GRID1: variants seen among roughly 807,000 people sequenced by gnomAD.
GRID1 encodes the protein glutamate receptor ionotropic, delta-1.
Under a neutral mutation model 98.0 loss-of-function variants are expected in GRID1, and 28 were observed. That is an observed-to-expected ratio of 0.29 (90% confidence interval 0.21 to 0.39). The LOEUF (loss-of-function observed/expected upper bound fraction) is 0.39. Among genes scored for constraint, GRID1 ranks in the 10% least tolerant of loss-of-function variants. The pLI is 1.00. For missense variants in GRID1, 1,111 were observed against 1,340.5 expected, an observed-to-expected ratio of 0.83 and a Z score of 2.67; for synonymous variants, 553 against 538.5, an observed-to-expected ratio of 1.03 and a Z score of -0.37.
chr10:85,705,330 C>T (rs1210825133), intron 12 of GRID1, among the ~76,000 whole-genome samples: 1 of 152,076 alleles, frequency 6.6e-6, no homozygotes, highest in African/African-American at 2.4e-5. Flanking sequence ...CTATAAACAC[C>T]TCTACACAAA....
intron 2 of GRID1, among the ~76,000 whole-genome samples, chr10:86,338,594 A>G (rs1299932496): frequency 6.6e-6 from 1 of 152,020 alleles, no homozygotes; most frequent in Non-Finnish European, 1.5e-5. Context: ...GTCTCGCTCT[A>G]TCCCCCAGGC....
chr10:86,080,185 T>G (rs999732520), intron 4 of GRID1, among the ~76,000 whole-genome samples: 2 of 151,316 alleles, frequency 1.3e-5, no homozygotes, highest in Non-Finnish European at 2.9e-5. Context: ...AATATAAAAA[T>G]TAGCTGGGCG....
intron 4 of GRID1, among the ~76,000 whole-genome samples, chr10:86,136,987 C>A (rs563684302): frequency 6.6e-6 from 1 of 152,000 alleles, no homozygotes; most frequent in African/African-American, 2.4e-5. Flanking sequence ...AAATAATGGT[C>A]TGACAAAAAA....
chr10:85,947,746 G>A (rs1428014904), intron 4 of GRID1, among the ~76,000 whole-genome samples: 1 of 152,240 alleles, frequency 6.6e-6, no homozygotes, highest in Non-Finnish European at 1.5e-5. Context: ...ATAAAGCCAC[G>A]CTATGAAAGC....
chr10:85,846,619 T>G (rs908553399), intron 8 of GRID1, among the ~76,000 whole-genome samples: 2 of 152,070 alleles, frequency 1.3e-5, no homozygotes, highest in Admixed American at 6.6e-5. Context: ...GACCTAGTTC[T>G]TTGAAAAAAA....
chr10:86,290,444 C>T (rs1033437887), intron 2 of GRID1, among the ~76,000 whole-genome samples: 5 of 152,118 alleles, frequency 3.3e-5, no homozygotes, highest in Non-Finnish European at 5.9e-5. Flanking sequence ...GCCAGGAGTT[C>T]GAGGATAGCC....
intron 5 of GRID1, among the ~76,000 whole-genome samples, chr10:85,874,865 G>GTATT (rs964271773): frequency 1.1e-4 from 16 of 151,954 alleles, no homozygotes; most frequent in Middle Eastern, 3.4e-3. Flanking sequence ...TTTATTTTAT[G>GTATT]TATTTATTTA....
chr10:85,814,471 AAAC>A lies in GRID1; in HGVS notation c.1233+40022_1233+40024del, dbSNP rs1842699102. ...GAAATGATTGAAGTTAAAAACAGAA[AAAC>A]AACAGAGAAAAATCAATGAAACTAA... On this transcript the variant is annotated intron_variant, in intron 8 of 15. Coordinates refer to ENST00000327946, the MANE Select transcript of GRID1 (RefSeq NM_017551.3). 2.0e-5 allele frequency among the ~76,000 whole-genome samples: 3 copies of A among 152,014 alleles called. No homozygotes were observed. In the South Asian group the frequency reaches 6.2e-4, roughly 31 times the overall value.
At chr10:85,782,378 C>G (rs761478810) in intron 8 of GRID1, among the ~76,000 whole-genome samples, 1 of 152,144 alleles carries the variant, frequency 6.6e-6, no homozygotes, top group Non-Finnish European at 1.5e-5. Context: ...AGCTTGAAAA[C>G]AGAATTTCTT....
intron 4 of GRID1, among the ~76,000 whole-genome samples, chr10:86,110,918 G>A (rs180752177): frequency 6.6e-6 from 1 of 152,338 alleles, no homozygotes; most frequent in Admixed American, 6.5e-5. Context: ...TGCTGGATGT[G>A]GAGAATGCAG....
intron 2 of GRID1, among the ~76,000 whole-genome samples, chr10:86,231,789 C>T (rs568225816): frequency 5.1e-4 from 78 of 152,304 alleles, no homozygotes; most frequent in African/African-American, 1.7e-3. Flanking sequence ...TATTTGGAGA[C>T]GCAGTGTCTT....
At chr10:86,158,925 A>G (rs1293238051) in intron 3 of GRID1, among the ~76,000 whole-genome samples, 1 of 152,126 alleles carries the variant, frequency 6.6e-6, no homozygotes, top group African/African-American at 2.4e-5. Context: ...ACAGAGTCTC[A>G]CTCTGTCGCC....
chr10:86,171,350 A>C (rs1470767591), intron 3 of GRID1, among the ~76,000 whole-genome samples: 1 of 152,214 alleles, frequency 6.6e-6, no homozygotes, highest in African/African-American at 2.4e-5. Context: ...GAAAATCCCC[A>C]AGTGCAAGGC....
chr10:85,824,012 A>G (rs544681927), intron 8 of GRID1, among the ~76,000 whole-genome samples: 72 of 152,260 alleles, frequency 4.7e-4, no homozygotes, highest in Non-Finnish European at 9.0e-4. Context: ...AAAAGTAGAA[A>G]GGACTAAGAA....
At chr10:86,343,245 T>C (rs1175657656) in intron 2 of GRID1, among the ~76,000 whole-genome samples, 1 of 152,232 alleles carries the variant, frequency 6.6e-6, no homozygotes, top group Non-Finnish European at 1.5e-5. Context: ...TCTGGATTTC[T>C]ATATATAAAA....
At chr10:85,992,368 G>A (rs1338737006) in intron 4 of GRID1, among the ~76,000 whole-genome samples, 2 of 152,170 alleles carry the variant, frequency 1.3e-5, no homozygotes, top group Non-Finnish European at 2.9e-5. Context: ...GTTTTGCCTG[G>A]TGAATATCAC....
chr10:86,051,785 G>A (rs866510571), intron 4 of GRID1, among the ~76,000 whole-genome samples: 11 of 152,146 alleles, frequency 7.2e-5, no homozygotes, highest in African/African-American at 2.2e-4. Context: ...GTTTGATAAC[G>A]CATTCTGTTG....
At chr10:85,966,545 G>T (rs762172475) in intron 4 of GRID1, among the ~76,000 whole-genome samples, 5 of 152,160 alleles carry the variant, frequency 3.3e-5, no homozygotes, top group Middle Eastern at 3.2e-3. Context: ...CAGATACGGT[G>T]GCTCACACCT....
chr10:85,756,687 AT>A (rs1842101788), intron 8 of GRID1, among the ~76,000 whole-genome samples: 1 of 152,198 alleles, frequency 6.6e-6, no homozygotes, highest in Non-Finnish European at 1.5e-5. Flanking sequence ...ACCATTTAAT[AT>A]TTTGGGGCCA....
Sources: gnomAD v4.1 joint callset for allele counts (sites outside exome capture counted in the v4.1 genomes callset) on GRCh38, gnomAD v4.1.1 for gene constraint, MANE v1.5 for transcripts, NCBI Gene and HGNC (gene_info 2026-07-23, HGNC 2026-07-21) for gene names.